The following STEEP1 variants were observed in gnomAD, a reference collection of about 807,000 sequenced individuals.
STEEP1 encodes STING ER exit protein.
In STEEP1, 3 loss-of-function variants were observed where a neutral mutation model predicts 19.2. The ratio of observed to expected loss-of-function variants is 0.16; its 90% CI spans 0.07 to 0.40. The LOEUF (loss-of-function observed/expected upper bound fraction) is 0.40. STEEP1 is among the 10% of genes least tolerant of loss of function. STEEP1 has a pLI of 0.99. For missense variants in STEEP1, 54 were observed against 177.1 expected (o/e 0.30, Z 3.94); for synonymous variants, 46 against 63.7 (o/e 0.72, Z 1.32).
At chrX:119,542,669 C>T (rs975236161) in intron 4 of STEEP1, 75 bp from the exon 5 acceptor site, 25 of 701,466 alleles carry the variant, frequency 3.6e-5, no homozygotes, top group Middle Eastern at 3.0e-4. Context: ...TGTGCGCACA[C>T]GCCTGTGTGA....
chrX:119,557,293 T>C (rs2053287360), intron 2 of STEEP1, among the ~76,000 whole-genome samples: 1 of 108,810 alleles, frequency 9.2e-6, no homozygotes, highest in Non-Finnish European at 1.9e-5. Flanking sequence ...GGTTAGATAG[T>C]GACCCTTAAA....
At chrX:119,548,094 C>T (rs906443492) in intron 2 of STEEP1, among the ~76,000 whole-genome samples, 1 of 110,900 alleles carries the variant, frequency 9.0e-6, no homozygotes, top group Non-Finnish European at 1.9e-5. Flanking sequence ...ATCGCTTGAA[C>T]CTGGGAGGCA....
intron 4 of STEEP1, 182 bp from the exon 5 acceptor site, chrX:119,542,776 C>T: frequency 3.1e-6 from 1 of 325,125 alleles, no homozygotes; most frequent in Non-Finnish European, 5.3e-6. Flanking sequence ...CTAACATTTG[C>T]CATCAAAGGC....
chrX:119,540,977 C>A (rs1814230), intron 6 of STEEP1, among the ~76,000 whole-genome samples: 36 of 109,766 alleles, frequency 3.3e-4, no homozygotes, highest in African/African-American at 1.2e-3. Context: ...ACCCGGGAGG[C>A]GGAGGTTGCA....
chrX:119,545,889 G>A (rs1428144202), intron 2 of STEEP1, among the ~76,000 whole-genome samples: 4 of 57,524 alleles, frequency 7.0e-5, no homozygotes, highest in South Asian at 1.4e-3. Context: ...GTGAAACTCC[G>A]TCTCAAAAAA....
Position 119,539,570 on chromosome X carries a change from T to A in STEEP1, c.*157A>T. Reference sequence around the variant, plus strand: ...AAAAAAGAAAGCAAGTTAAATGGACTCAGTTAAAGACCTCACTGAATGTAG... The same window carrying A: ...AAAAAAGAAAGCAAGTTAAATGGACACAGTTAAAGACCTCACTGAATGTAG... On this transcript the variant is annotated 3_prime_UTR_variant, in exon 7 of 7. Coordinates refer to ENST00000644802, the MANE Select transcript of STEEP1 (RefSeq NM_022101.4). 2 of 371,604 alleles carry A rather than the reference T, an allele frequency of 5.4e-6. No homozygotes were observed. Among genetic ancestry groups the A allele is most frequent in the Non-Finnish European group, 9.4e-6 (2 of 212,244 alleles). The allele number at this position is 371,604 out of a possible 1,213,427, so 30.6% of individuals were successfully genotyped here.
chrX:119,546,440 CAAAAA>C (rs140234168), intron 2 of STEEP1, among the ~76,000 whole-genome samples: 1 of 73,618 alleles, frequency 1.4e-5, no homozygotes, highest in African/African-American at 5.2e-5. Flanking sequence ...GACTCCATCT[CAAAAA>C]AAAAAAAAAA....
At chrX:119,550,776 T>C in intron 2 of STEEP1, among the ~76,000 whole-genome samples, 1 of 111,701 alleles carries the variant, frequency 9.0e-6, no homozygotes, top group Middle Eastern at 4.6e-3. Flanking sequence ...GATTCTCTCC[T>C]ACCTCAGCCC....
chrX:119,543,594 C>T (rs1267304886), intron 4 of STEEP1, among the ~76,000 whole-genome samples: 1 of 110,801 alleles, frequency 9.0e-6, no homozygotes, highest in Non-Finnish European at 1.9e-5. Context: ...GTGATCCTCC[C>T]GCCTCAGTCT....
intron 2 of STEEP1, among the ~76,000 whole-genome samples, chrX:119,557,246 T>A (rs1480196966): frequency 9.3e-6 from 1 of 108,053 alleles, no homozygotes; most frequent in African/African-American, 3.4e-5. Context: ...TAAAGTTTCA[T>A]AAGGGCAGGA....
At chrX:119,544,954 T>G (rs1269233084) in intron 3 of STEEP1, among the ~76,000 whole-genome samples, 3 of 104,621 alleles carry the variant, frequency 2.9e-5, no homozygotes, top group Non-Finnish European at 5.9e-5. Flanking sequence ...AAAAAAAAAT[T>G]CATTTTTCTG....
chrX:119,551,231 A>T (rs1021287604), intron 2 of STEEP1, among the ~76,000 whole-genome samples: 7 of 110,792 alleles, frequency 6.3e-5, no homozygotes, highest in Non-Finnish European at 1.3e-4. Context: ...CTGTAATCCC[A>T]GCACTCTGGG....
At chrX:119,550,170 T>C (rs1419601515) in intron 2 of STEEP1, among the ~76,000 whole-genome samples, 1 of 112,433 alleles carries the variant, frequency 8.9e-6, no homozygotes, top group African/African-American at 3.2e-5. Flanking sequence ...ACACAATCCC[T>C]TTCAAAATCC....
chrX:119,544,604 G>T lies in STEEP1; in HGVS notation c.285-113C>A, dbSNP rs2053188367. 5 of 727,187 alleles carry T rather than the reference G, an allele frequency of 6.9e-6. No individual in the cohort carries two copies. The South Asian group carries it at 1.4e-4, about 20-fold the overall frequency. 59.9% of individuals were successfully genotyped at this position (727,187 alleles called of 1,213,427 possible). A position where few individuals can be genotyped will look rare whatever the true frequency, so the allele number is the denominator to read the frequency against. ...ATTTCTGTTTGTGGCATAAACTAAT[G>T]ACTGGCTCTTCTCAGTGTCTCCCAA... On this transcript the variant is annotated intron_variant, in intron 3 of 6. Transcript: ENST00000644802.
In STEEP1 at chrX:119,539,530, CAA is replaced by C. The variant is rs34447220; in HGVS notation, c.*195_*196del. 2,202 of 300,237 alleles carry C rather than the reference CAA, an allele frequency of 7.3e-3. 1 individual carries two copies. Among genetic ancestry groups the C allele is most frequent in the African/African-American group, 9.0e-3 (258 of 28,741 alleles). 24.7% of individuals were successfully genotyped at this position (300,237 alleles called of 1,213,427 possible). A position where few individuals can be genotyped will look rare whatever the true frequency, so the allele number is the denominator to read the frequency against. ...TGGGCGAAAGAGCAAGACTTTATCT[CAA>C]AAAAAAAAAAAAAAAAAAGAAAGCA... On this transcript the variant is annotated 3_prime_UTR_variant, in exon 7 of 7. Transcript: ENST00000644802.
Position 119,538,439 on chromosome X carries a change from T to TTG in STEEP1, c.*1286_*1287dup, listed in dbSNP as rs2053138131. ...GGGTTACTTTTTTTTTTTTTTTTTTTTGTAGAGACAGAGTCTCACTCTGTC... is the reference window on the plus strand; with the variant it reads ...GGGTTACTTTTTTTTTTTTTTTTTTTTGTGTAGAGACAGAGTCTCACTCTGTC... On this transcript the variant is annotated 3_prime_UTR_variant, in exon 7 of 7. Transcript: ENST00000644802. The TTG allele has an allele frequency of 9.9e-6, 1 of 100,972 alleles. No individual in the cohort carries two copies. Among genetic ancestry groups the TTG allele is most frequent in the Non-Finnish European group, 2.0e-5 (1 of 49,247 alleles). The allele number at this position is 100,972 out of a possible 1,213,427, so 8.3% of individuals were successfully genotyped here.
chrX:119,557,847 C>G (rs2053292161), intron 2 of STEEP1, among the ~76,000 whole-genome samples: 1 of 111,796 alleles, frequency 8.9e-6, no homozygotes, highest in African/African-American at 3.2e-5. Flanking sequence ...TTTCAGACTT[C>G]TAGCCTCCAC....
chrX:119,563,805 A>G (rs756757343), intron 1 of STEEP1, among the ~76,000 whole-genome samples: 9 of 111,994 alleles, frequency 8.0e-5, no homozygotes, highest in South Asian at 7.4e-4. Flanking sequence ...TGGACTGGAC[A>G]GATGTAAGGT....
rs189681892 is a variant in STEEP1, at chrX:119,545,754, G to A, written c.243-250C>T. On this transcript the variant is annotated intron_variant, in intron 2 of 6. Transcript: ENST00000644802. Reference sequence around the variant, plus strand: ...ACTAAAAATACAAAATTAGCCGGGCGCAGTGGTGCATGCCTATAATCTCAG... The same window carrying A: ...ACTAAAAATACAAAATTAGCCGGGCACAGTGGTGCATGCCTATAATCTCAG... Among the ~76,000 whole-genome samples, 14 of 110,804 alleles carry A rather than the reference G, an allele frequency of 1.3e-4. No homozygotes were observed. In the East Asian group the frequency reaches 3.5e-3, roughly 27 times the overall value.
Sources: gnomAD v4.1 joint callset for allele counts (sites outside exome capture counted in the v4.1 genomes callset) on GRCh38, gnomAD v4.1.1 for gene constraint, MANE v1.5 for transcripts, NCBI Gene and HGNC (gene_info 2026-07-23, HGNC 2026-07-21) for gene names.